The following MGAT5 variants were observed in gnomAD, a reference collection of about 807,000 sequenced individuals.
The protein encoded by MGAT5 is alpha-1,6-mannosylglycoprotein 6-beta-N-acetylglucosaminyltransferase A.
MGAT5 carries 30 observed loss-of-function variants against 94.3 expected under a neutral mutation model. The observed-to-expected ratio is 0.32, with a 90% CI of 0.24 to 0.43. The LOEUF (loss-of-function observed/expected upper bound fraction) is 0.43, where lower values mean the gene tolerates loss of function less well. Among genes scored for constraint, MGAT5 ranks in the 20% least tolerant of loss-of-function variants. The pLI, the probability that MGAT5 is intolerant of heterozygous loss-of-function variation, is 1.00. For missense variants in MGAT5, 691 were observed against 905.5 expected (o/e 0.76, Z 3.04); for synonymous variants, 310 against 322.9 (o/e 0.96, Z 0.43).
intron 1 of MGAT5, among the ~76,000 whole-genome samples, chr2:134,258,462 T>G (rs923387247): frequency 8.5e-5 from 13 of 152,386 alleles, no homozygotes; most frequent in African/African-American, 2.4e-4. Context: ...TTTAATTATA[T>G]GCTGTCTATG....
intron 4 of MGAT5, among the ~76,000 whole-genome samples, chr2:134,333,986 C>T (rs1210779694): frequency 6.6e-6 from 1 of 152,002 alleles, no homozygotes; most frequent in Non-Finnish European, 1.5e-5. Flanking sequence ...CATACAAAAA[C>T]AACCTTAAAA....
At chr2:134,219,370 C>G (rs562659124) in intron 1 of MGAT5, among the ~76,000 whole-genome samples, 98 of 151,632 alleles carry the variant, frequency 6.5e-4, no homozygotes, top group African/African-American at 2.3e-3. Context: ...GTGGGAAAAC[C>G]TGCTGTGAGA....
intron 10 of MGAT5, among the ~76,000 whole-genome samples, chr2:134,398,438 C>T (rs1366473255): frequency 6.6e-6 from 1 of 152,148 alleles, no homozygotes; most frequent in Non-Finnish European, 1.5e-5. Flanking sequence ...GGCTGAGCTG[C>T]AGAATTTTTT....
chr2:134,217,939 G>A (rs150886503), intron 1 of MGAT5, among the ~76,000 whole-genome samples: 2 of 152,302 alleles, frequency 1.3e-5, no homozygotes, highest in African/African-American at 4.8e-5. Context: ...TTCTTTGAGA[G>A]CTGGTTCATG....
intron 1 of MGAT5, among the ~76,000 whole-genome samples, chr2:134,180,639 A>C (rs1688689670): frequency 6.6e-6 from 1 of 152,206 alleles, no homozygotes; most frequent in African/African-American, 2.4e-5. Flanking sequence ...GCTCAGGACT[A>C]GGCTCTGTGA....
chr2:134,169,405 C>CACACAG (rs1558967483), intron 1 of MGAT5, among the ~76,000 whole-genome samples: 1 of 120,344 alleles, frequency 8.3e-6, no homozygotes, highest in East Asian at 2.6e-4. Flanking sequence ...CACACACACA[C>CACACAG]ACACACAGAC....
intron 10 of MGAT5, among the ~76,000 whole-genome samples, chr2:134,377,602 G>A (rs1157075151): frequency 1.3e-5 from 2 of 152,116 alleles, no homozygotes; most frequent in South Asian, 2.1e-4. Context: ...TTTACCTTCC[G>A]GTTTCTTTCT....
chr2:134,134,100 G>A (rs559542422), intron 1 of MGAT5, among the ~76,000 whole-genome samples: 58 of 152,218 alleles, frequency 3.8e-4, no homozygotes, highest in African/African-American at 1.2e-3. Context: ...ACAGGGAAGC[G>A]GGCCAAGGTG....
At chr2:134,338,955 A>G (rs1688483928) in intron 6 of MGAT5, among the ~76,000 whole-genome samples, 1 of 152,088 alleles carries the variant, frequency 6.6e-6, no homozygotes, top group Non-Finnish European at 1.5e-5. Flanking sequence ...GGCTTAGAAG[A>G]CTTTATGCCC....
At chr2:134,165,488 AT>A (rs1687928337) in intron 1 of MGAT5, among the ~76,000 whole-genome samples, 1 of 152,168 alleles carries the variant, frequency 6.6e-6, no homozygotes, top group African/African-American at 2.4e-5. Flanking sequence ...TAAAAAAATT[AT>A]CCAGGGCCGG....
chr2:134,155,997 A>C (rs1317642589), intron 1 of MGAT5, among the ~76,000 whole-genome samples: 2 of 152,142 alleles, frequency 1.3e-5, no homozygotes, highest in Non-Finnish European at 2.9e-5. Flanking sequence ...CACAGTTTGT[A>C]ATTCTGTATT....
chr2:134,286,492 C>T (rs1414602306), intron 2 of MGAT5, among the ~76,000 whole-genome samples: 1 of 151,664 alleles, frequency 6.6e-6, no homozygotes, highest in East Asian at 1.9e-4. Context: ...AGTATAGTGG[C>T]GCAGTCTCTG....
At chr2:134,231,713 G>A (rs1261439063) in intron 1 of MGAT5, among the ~76,000 whole-genome samples, 4 of 152,178 alleles carry the variant, frequency 2.6e-5, no homozygotes, top group Non-Finnish European at 5.9e-5. Context: ...GGAGCAGCTT[G>A]GTTGAGTAGC....
Position 134,344,975 on chromosome 2 carries a change from A to G in MGAT5, c.1023A>G (p.Val341=), listed in dbSNP as rs1376375413. 2.5e-6 allele frequency: 4 copies of G among 1,613,624 alleles called. No individual in the cohort carries two copies. The highest frequency in any genetic ancestry group is 3.4e-6 in the Non-Finnish European group (4 of 1,179,696). ...VVGNRSGCPT[V]GDRIVELIYI... is the part of the protein sequence containing the mutation. ...GAAACCGATCTGGCTGCCCAACTGT[A>G]GGAGACAGAATTGTTGAGCTCATTT... Residue 341 remains valine (V), a synonymous_variant, in exon 8 of 16, where the codon GTA becomes GTG. Coordinates refer to ENST00000281923, the MANE Select transcript of MGAT5 (RefSeq NM_002410.5).
intron 10 of MGAT5, among the ~76,000 whole-genome samples, chr2:134,401,793 A>G (rs1218711754): frequency 6.6e-6 from 1 of 152,218 alleles, no homozygotes; most frequent in African/African-American, 2.4e-5. Context: ...ATCCTGGTTC[A>G]TGAAATGAAG....
At chr2:134,430,597 T>C (rs764339540) in intron 14 of MGAT5, among the ~76,000 whole-genome samples, 5 of 152,158 alleles carry the variant, frequency 3.3e-5, no homozygotes, top group African/African-American at 4.8e-5. Flanking sequence ...CATCTTGGAC[T>C]TCATGATTTG....
chr2:134,334,755 C>G (rs1171681236), intron 4 of MGAT5, among the ~76,000 whole-genome samples: 2 of 151,974 alleles, frequency 1.3e-5, no homozygotes, highest in Non-Finnish European at 2.9e-5. Flanking sequence ...CCTCATTTTT[C>G]TCATTTGTGG....
intron 10 of MGAT5, among the ~76,000 whole-genome samples, chr2:134,381,386 A>ATAGATAGATAAGATAAGATAAGATAGAT (rs1558841761): frequency 2.2e-4 from 21 of 95,360 alleles, no homozygotes; most frequent in South Asian, 7.4e-4. Flanking sequence ...GATAGATTAG[A>ATAGATAGATAAGATAAGATAAGATAGAT]TAGATAGATA....
intron 1 of MGAT5, among the ~76,000 whole-genome samples, chr2:134,120,728 C>G (rs1685532258): frequency 1.3e-5 from 2 of 151,818 alleles, no homozygotes; most frequent in African/African-American, 4.8e-5. Flanking sequence ...GTGGGCCGGG[C>G]CGGGCCGGGG....
Sources: gnomAD v4.1 joint callset for allele counts (sites outside exome capture counted in the v4.1 genomes callset) on GRCh38, gnomAD v4.1.1 for gene constraint, MANE v1.5 for transcripts, NCBI Gene and HGNC (gene_info 2026-07-23, HGNC 2026-07-21) for gene names.